NR5A1: variants seen among roughly 807,000 people sequenced by gnomAD.
The protein encoded by NR5A1 is steroidogenic factor 1.
NR5A1 carries 6 observed loss-of-function variants against 42.7 expected under a neutral mutation model. The ratio of observed to expected loss-of-function variants is 0.14; its 90% CI spans 0.08 to 0.28. The LOEUF is 0.28. Among genes scored for constraint, NR5A1 ranks in the 10% least tolerant of loss-of-function variants. The pLI is 1.00. For missense variants in NR5A1, 442 were observed against 626.4 expected, an observed-to-expected ratio of 0.71 and a Z score of 3.14; for synonymous variants, 274 against 277.5, an observed-to-expected ratio of 0.99 and a Z score of 0.12.
At chr9:124,490,601 A>G (rs1832293073) in intron 6 of NR5A1, among the ~76,000 whole-genome samples, 1 of 152,086 alleles carries the variant, frequency 6.6e-6, no homozygotes. Context: ...TATTATGCTC[A>G]TGATCTGTCT....
chr9:124,500,969 A>G lies in NR5A1; in HGVS notation c.245-254T>C. On this transcript the variant is annotated intron_variant, in intron 3 of 6. Coordinates refer to ENST00000373588, the MANE Select transcript of NR5A1 (RefSeq NM_004959.5). The surrounding 1 kb of genome is among the most constrained non-coding windows in gnomAD (Gnocchi z 6.9). The stretch of plus-strand genomic sequence containing the variant: ...TCACCTCCACTCCTCTGTTTGACAC[A>G]TCTCCTTCCTCCTCCACCCTGCCTT... The G allele has an allele frequency of 1.4e-6, 1 of 717,218 alleles. No homozygotes were observed. The highest frequency in any genetic ancestry group is 2.6e-6 in the Non-Finnish European group (1 of 387,496). 44.4% of individuals were successfully genotyped at this position (717,218 alleles called of 1,614,324 possible).
At chr9:124,489,172 T>A (rs1000305511) in intron 6 of NR5A1, among the ~76,000 whole-genome samples, 1 of 152,204 alleles carries the variant, frequency 6.6e-6, no homozygotes, top group African/African-American at 2.4e-5. Flanking sequence ...ACAATGTCCC[T>A]GCCCTTCAGG....
At position 124,503,084 on chromosome 9, in the gene NR5A1, A is replaced by G; in HGVS notation, c.239T>C (p.Leu80Pro). The change falls in exon 3 of 7, where the codon CTG (leucine) becomes CCG (proline). Residue 80 changes from leucine (L) to proline (P), a missense_variant. By Grantham distance (98) the Leu-to-Pro change is moderately conservative. Around this residue, in one of 3 missense-constraint regions of NR5A1, gnomAD observed 71 missense variants for 156.8 expected, o/e 0.45. Coordinates refer to ENST00000373588, the MANE Select transcript of NR5A1 (RefSeq NM_004959.5). This position sits in a 1 kb window ranked among gnomAD's most constrained non-coding sequence, Gnocchi z 9.6. ...GAGGCCCGCGCGGCGCGCACCTTCC[A>G]GGCGCATCCCCACCGTCAGGCATTT... is the stretch of plus-strand genomic sequence containing the variant. ...FQKCLTVGMR[L>P]EAVRADRMRG... 1 of 1,579,428 alleles carries G rather than the reference A, an allele frequency of 6.3e-7. No individual in the cohort carries two copies. The highest frequency in any genetic ancestry group is 8.6e-7 in the Non-Finnish European group (1 of 1,165,768).
chr9:124,486,201 C>G (rs984143435), intron 6 of NR5A1, among the ~76,000 whole-genome samples: 1 of 152,118 alleles, frequency 6.6e-6, no homozygotes, highest in Non-Finnish European at 1.5e-5. Flanking sequence ...TGGAAACCCC[C>G]GACTGCCCCC....
intron 6 of NR5A1, among the ~76,000 whole-genome samples, chr9:124,483,264 C>T (rs556914743): frequency 6.6e-6 from 1 of 152,356 alleles, no homozygotes; most frequent in African/African-American, 2.4e-5. Flanking sequence ...CCACCGCCAC[C>T]ATCAACCACC....
rs79833327 is a variant in NR5A1 at position 124,482,791 on chromosome 9, C to T, written c.1353G>A (p.Leu451=). 2.8e-3 allele frequency: 3,918 copies of T among 1,410,658 alleles called. 90 individuals are homozygous for T. The African/African-American group carries it at 0.053, about 19-fold the overall frequency. 87.4% of individuals were successfully genotyped at this position (1,410,658 alleles called of 1,614,324 possible). The change falls in exon 7 of 7, where the codon CTG becomes CTA. Residue 451 remains leucine, a synonymous_variant. Coordinates refer to ENST00000373588, the MANE Select transcript of NR5A1 (RefSeq NM_004959.5). ...HLGNEMPRNN[L]LIEMLQAKQT is the part of the protein sequence containing the mutation. ...GCTTGGCTTGCAGCATTTCGATGAG[C>T]AGGTTGTTGCGGGGCATCTCGTTGC...
intron 4 of NR5A1, among the ~76,000 whole-genome samples, chr9:124,494,661 C>A (rs1275954311): frequency 6.6e-6 from 1 of 152,200 alleles, no homozygotes; most frequent in East Asian, 1.9e-4. Context: ...AGAGGGACCA[C>A]TGCCCACCTG....
Position 124,500,346 on chromosome 9 carries a change from G to T in NR5A1, c.614C>A (p.Pro205Gln). Residue 205 changes from proline (P) to glutamine (Q), a missense_variant, in exon 4 of 7, where the codon CCA becomes CAA. Pro to Gln is a moderately conservative substitution (Grantham distance 76). Transcript: ENST00000373588. This position sits in a 1 kb window ranked among gnomAD's most constrained non-coding sequence, Gnocchi z 6.9. ...SEYPEPYASP[P>Q]QPGLPYGYPE... Reference sequence around the variant, plus strand: ...GTAGCCGTACGGCAGCCCAGGCTGTGGGGGGCTGGCATAAGGCTCCGGGTA... The same window carrying T: ...GTAGCCGTACGGCAGCCCAGGCTGTTGGGGGCTGGCATAAGGCTCCGGGTA... The T allele has an allele frequency of 1.9e-6, 3 of 1,556,548 alleles. No homozygotes were observed. Among genetic ancestry groups the T allele is most frequent in the South Asian group, 1.2e-5 (1 of 84,852 alleles).
rs1401176929 is a variant in NR5A1, at chr9:124,496,225, AAGAAAACCAC to A, written c.871-3086_871-3077del. On this transcript the variant is annotated intron_variant, in intron 4 of 6. Coordinates refer to ENST00000373588, the MANE Select transcript of NR5A1 (RefSeq NM_004959.5). This position sits in a 1 kb window ranked among gnomAD's most constrained non-coding sequence, Gnocchi z 5.0. Reference sequence around the variant, plus strand: ...ACACACACAACCTCTTTTTATTTAAAAGAAAACCACAGGGCCATAGCTGCCAGCCCCCCTG... The same window carrying A: ...ACACACACAACCTCTTTTTATTTAAAAGGGCCATAGCTGCCAGCCCCCCTG... 6.6e-6 allele frequency among the ~76,000 whole-genome samples: 1 copy of A among 152,082 alleles called. No homozygotes were observed. Among genetic ancestry groups the A allele is most frequent in the Non-Finnish European group, 1.5e-5 (1 of 68,002 alleles).
At position 124,484,947 on chromosome 9, in the gene NR5A1, C is replaced by T. The variant is rs1030838499; in HGVS notation, c.1139-1942G>A. ...GTGCAACTGATGTGTCCGCCACACC[C>T]GAGGTGCAGTGAAGAGACAGAAAGT... On this transcript the variant is annotated intron_variant, in intron 6 of 6. Transcript: ENST00000373588. Among the ~76,000 whole-genome samples, 4 of 152,072 alleles carry T rather than the reference C, an allele frequency of 2.6e-5. No individual in the cohort carries two copies. In the East Asian group the frequency reaches 5.8e-4, roughly 22 times the overall value.
chr9:124,495,773 CAGCCCTGGGAGCAGG>C (rs1832382785), intron 4 of NR5A1, among the ~76,000 whole-genome samples: 1 of 152,202 alleles, frequency 6.6e-6, no homozygotes, highest in Non-Finnish European at 1.5e-5. Context: ...CCGGCTGGCC[CAGCCCTGGGAGCAGG>C]CTCTGTACCC....
chr9:124,502,966 C>G (rs888311373), intron 3 of NR5A1, 113 bp downstream of exon 3: 2 of 1,379,520 alleles, frequency 1.4e-6, no homozygotes, highest in South Asian at 1.4e-5. Flanking sequence ...TAATGTCGCA[C>G]GAGGGGCCTT....
intron 5 of NR5A1, among the ~76,000 whole-genome samples, chr9:124,491,677 TCACA>T (rs141470926): frequency 1.3e-5 from 2 of 149,894 alleles, no homozygotes; most frequent in East Asian, 2.0e-4. Context: ...CAGCTCAGAG[TCACA>T]CACACACACA....
intron 5 of NR5A1, among the ~76,000 whole-genome samples, chr9:124,491,956 C>T (rs1296748270): frequency 6.6e-6 from 1 of 152,144 alleles, no homozygotes; most frequent in Non-Finnish European, 1.5e-5. Context: ...CCTGCGGACA[C>T]CCACACTTCA....
chr9:124,488,963 G>GA (rs1336178939), intron 6 of NR5A1, among the ~76,000 whole-genome samples: 6 of 152,280 alleles, frequency 3.9e-5, no homozygotes, highest in South Asian at 2.1e-4. Context: ...GCTGCATCTG[G>GA]AAAAAAAGGC....
Position 124,503,268 on chromosome 9 carries a change from A to C in NR5A1, c.102+26T>G, listed in dbSNP as rs929245380. On this transcript the variant is annotated intron_variant, in intron 2 of 6. Coordinates refer to ENST00000373588, the MANE Select transcript of NR5A1 (RefSeq NM_004959.5). The surrounding 1 kb of genome is among the most constrained non-coding windows in gnomAD (Gnocchi z 9.6). ...AGGCCCCGCAGCGCCCGTCTGCCGC[A>C]CCCCTGCCGCGCGCTCGCCGCTCAC... 2.1e-5 allele frequency: 33 copies of C among 1,604,878 alleles called. No individual in the cohort carries two copies. The highest frequency in any genetic ancestry group is 2.6e-5 in the Non-Finnish European group (31 of 1,176,850).
chr9:124,503,673 C>G lies in NR5A1; in HGVS notation c.-15-263G>C, dbSNP rs1181447992. ...CCGCGCGGACCCCGTCGCGCCCGAT[C>G]TGGGGCCCTCGGGTTCGATGCGCTT... On this transcript the variant is annotated intron_variant, in intron 1 of 6. Transcript: ENST00000373588. This position sits in a 1 kb window ranked among gnomAD's most constrained non-coding sequence, Gnocchi z 9.6. Among the ~76,000 whole-genome samples the G allele has an allele frequency of 2.6e-5, 4 of 152,232 alleles. No homozygotes were observed. Among genetic ancestry groups the G allele is most frequent in the African/African-American group, 9.6e-5 (4 of 41,474 alleles).
chr9:124,499,704 G>A (rs904407428), intron 4 of NR5A1, among the ~76,000 whole-genome samples: 4 of 152,182 alleles, frequency 2.6e-5, no homozygotes, highest in Non-Finnish European at 5.9e-5. Flanking sequence ...AGGGAGCCCA[G>A]GGTCTCAGAG....
At position 124,498,894 on chromosome 9, in the gene NR5A1, C is replaced by T. The variant is rs935538290; in HGVS notation, c.870+1196G>A. 3.3e-5 allele frequency among the ~76,000 whole-genome samples: 5 copies of T among 152,186 alleles called. No homozygotes were observed. The highest frequency in any genetic ancestry group is 7.2e-5 in the African/African-American group (3 of 41,440). ...CCAGTCCCGCGATGCCCCTAGGGCT[C>T]GGAGCACCCACCCCCACCTACCAGC... On this transcript the variant is annotated intron_variant, in intron 4 of 6. Coordinates refer to ENST00000373588, the MANE Select transcript of NR5A1 (RefSeq NM_004959.5). The surrounding 1 kb of genome is among the most constrained non-coding windows in gnomAD (Gnocchi z 4.6).
Sources: allele counts gnomAD v4.1 joint callset (sites outside exome capture counted in the v4.1 genomes callset), GRCh38; gene constraint gnomAD v4.1.1; regional missense constraint gnomAD v4.1.1; non-coding constraint Gnocchi (gnomAD v3.1); transcripts MANE v1.5; gene names NCBI Gene and HGNC (gene_info 2026-07-23, HGNC 2026-07-21).